Variants in ASXL3 observed in about 807,000 individuals in gnomAD.
ASXL3 encodes the protein ASXL transcriptional regulator 3, also known as putative Polycomb group protein ASXL3.
Under a neutral mutation model 170.6 loss-of-function variants are expected in ASXL3, and 34 were observed. That is an observed-to-expected ratio of 0.20 (90% CI 0.15 to 0.27). The LOEUF is 0.27. Among genes scored for constraint, ASXL3 ranks in the 10% least tolerant of loss-of-function variants. The pLI is 1.00. For synonymous variants in ASXL3, 1,002 were observed against 989.1 expected (o/e 1.01, Z -0.24); for missense variants, 2,592 against 2,695.3 (o/e 0.96, Z 0.85).
chr18:33,713,840 T>A (rs911022626), intron 8 of ASXL3, among the ~76,000 whole-genome samples: 7 of 152,214 alleles, frequency 4.6e-5, no homozygotes, highest in Non-Finnish European at 8.8e-5. Context: ...TTATAAAAGT[T>A]CTAACACAGC....
Position 33,738,825 on chromosome 18 carries a change from C to A in ASXL3, c.1421C>A (p.Pro474His), listed in dbSNP as rs1193742258. 6 of 1,613,576 alleles carry A rather than the reference C, an allele frequency of 3.7e-6. No homozygotes were observed. Among genetic ancestry groups the A allele is most frequent in the Non-Finnish European group, 5.1e-6 (6 of 1,179,848 alleles). Residue 474 changes from proline (P) to histidine (H), a missense_variant, in exon 11 of 12, where the codon CCT becomes CAT. By Grantham distance (77) the Pro-to-His change is moderately conservative. Transcript: ENST00000269197. ...CAGGATGAAAATCATAAGACAATACCTGAATTTTCTGAGGAGGCTGAAAGT... is the reference window on the plus strand; with the variant it reads ...CAGGATGAAAATCATAAGACAATACATGAATTTTCTGAGGAGGCTGAAAGT... ...ECQDENHKTI[P>H]EFSEEAESLT...
intron 1 of ASXL3, among the ~76,000 whole-genome samples, chr18:33,607,112 TG>T (rs1391312868): frequency 1.3e-5 from 2 of 151,924 alleles, no homozygotes; most frequent in African/African-American, 4.8e-5. Context: ...ATGAGTTACT[TG>T]GGTTCCTGTA....
At chr18:33,726,299 G>A (rs2067350008) in intron 8 of ASXL3, among the ~76,000 whole-genome samples, 1 of 152,078 alleles carries the variant, frequency 6.6e-6, no homozygotes, top group Non-Finnish European at 1.5e-5. Context: ...TGCCTCCAGT[G>A]CGGTTATCCC....
intron 4 of ASXL3, among the ~76,000 whole-genome samples, chr18:33,651,844 C>T (rs1038002420): frequency 6.6e-6 from 1 of 151,982 alleles, no homozygotes; most frequent in East Asian, 1.9e-4. Flanking sequence ...GGGAAACATT[C>T]TTTTAAAATG....
chr18:33,715,649 A>G lies in ASXL3; in HGVS notation c.880-16319A>G, dbSNP rs8095961. On this transcript the variant is annotated intron_variant, in intron 8 of 11. Transcript: ENST00000269197. ...TTTTGTTACTAACAATAACGTTTCT[A>G]ATTTTTATCTTTAGTTTTGGGAAGG... Among the ~76,000 whole-genome samples the G allele has an allele frequency of 9.4e-3, 1,429 of 152,296 alleles. 23 individuals are homozygous for G. Among genetic ancestry groups the G allele is most frequent in the African/African-American group, 0.033 (1,352 of 41,562 alleles).
chr18:33,632,231 T>C (rs1404064326), intron 2 of ASXL3, among the ~76,000 whole-genome samples: 1 of 152,110 alleles, frequency 6.6e-6, no homozygotes. Flanking sequence ...CATATTATAA[T>C]AAAATTCTTA....
intron 2 of ASXL3, among the ~76,000 whole-genome samples, chr18:33,631,697 G>C (rs1203374636): frequency 3.3e-5 from 5 of 151,990 alleles, no homozygotes; most frequent in Non-Finnish European, 7.4e-5. Flanking sequence ...TGAATCATTT[G>C]GAATGATTTA....
At chr18:33,691,339 T>C (rs2066683266) in intron 8 of ASXL3, among the ~76,000 whole-genome samples, 1 of 152,174 alleles carries the variant, frequency 6.6e-6, no homozygotes, top group African/African-American at 2.4e-5. Flanking sequence ...TTCACTGTTC[T>C]CTGTGGTGTT....
intron 8 of ASXL3, among the ~76,000 whole-genome samples, chr18:33,714,916 G>T (rs1210357009): frequency 6.6e-6 from 1 of 152,098 alleles, no homozygotes; most frequent in Admixed American, 6.5e-5. Context: ...TTGTGGACTG[G>T]TTTAATTCAG....
intron 4 of ASXL3, among the ~76,000 whole-genome samples, chr18:33,655,741 A>C (rs1456886446): frequency 1.3e-5 from 2 of 152,038 alleles, no homozygotes; most frequent in Non-Finnish European, 2.9e-5. Flanking sequence ...ATATATCCAA[A>C]ATATCTGATA....
intron 10 of ASXL3, 90 bp downstream of exon 10, chr18:33,734,505 A>G (rs945478207): frequency 1.4e-6 from 1 of 718,840 alleles, no homozygotes; most frequent in Non-Finnish European, 2.1e-6. Flanking sequence ...ATGCTGTAAA[A>G]CTTAATAAAC....
chr18:33,591,705 G>C (rs947472026), intron 1 of ASXL3, among the ~76,000 whole-genome samples: 1 of 150,624 alleles, frequency 6.6e-6, no homozygotes, highest in Non-Finnish European at 1.5e-5. Context: ...GCAGTGGCGC[G>C]ATCTCGGCTC....
intron 8 of ASXL3, among the ~76,000 whole-genome samples, chr18:33,711,389 C>T (rs1371949832): frequency 6.6e-6 from 1 of 152,106 alleles, no homozygotes; most frequent in Non-Finnish European, 1.5e-5. Context: ...TGATCTTCTT[C>T]CAAAATTTGG....
chr18:33,666,384 TAA>T (rs1436543959), intron 5 of ASXL3, among the ~76,000 whole-genome samples: 1 of 152,172 alleles, frequency 6.6e-6, no homozygotes, highest in African/African-American at 2.4e-5. Context: ...ACTAGCTAAT[TAA>T]GACTTTGATG....
chr18:33,678,351 A>C lies in ASXL3; in HGVS notation c.716-5054A>C, dbSNP rs115338059. Among the ~76,000 whole-genome samples, 484 of 152,190 alleles carry C rather than the reference A, an allele frequency of 3.2e-3. 3 individuals carry two copies. The highest frequency in any genetic ancestry group is 0.011 in the African/African-American group (462 of 41,528). ...GTCTGCCTTTTGTGTTTGCTTCTCTATGTGAGTGTGTCTGCATCTCTGTGT... is the reference window on the plus strand; with the variant it reads ...GTCTGCCTTTTGTGTTTGCTTCTCTCTGTGAGTGTGTCTGCATCTCTGTGT... On this transcript the variant is annotated intron_variant, in intron 7 of 11. Coordinates refer to ENST00000269197, the MANE Select transcript of ASXL3 (RefSeq NM_030632.3).
At chr18:33,697,631 G>A (rs1394686414) in intron 8 of ASXL3, among the ~76,000 whole-genome samples, 1 of 152,042 alleles carries the variant, frequency 6.6e-6, no homozygotes, top group Non-Finnish European at 1.5e-5. Context: ...CCCTGTATGA[G>A]CACAGGACAC....
chr18:33,713,956 G>A (rs920710717), intron 8 of ASXL3, among the ~76,000 whole-genome samples: 2 of 152,142 alleles, frequency 1.3e-5, no homozygotes, highest in African/African-American at 4.8e-5. Flanking sequence ...CTGGTCTCAA[G>A]TCATCATAGT....
In ASXL3 at chr18:33,743,172, T is replaced by G. The variant is rs77617474; in HGVS notation, c.3324T>G (p.Ala1108=). 13,177 of 1,613,956 alleles carry G rather than the reference T, an allele frequency of 8.2e-3. 74 individuals are homozygous for G. Among genetic ancestry groups the G allele is most frequent in the Non-Finnish European group, 9.5e-3 (11,212 of 1,179,880 alleles). ...TLAHIKEQTK[A]KLFAKHQARA... The stretch of plus-strand genomic sequence containing the variant: ...CACACATCAAAGAGCAGACAAAGGC[T>G]AAGCTCTTTGCAAAGCATCAAGCTC... Residue 1108 remains alanine (A), a synonymous_variant, in exon 12 of 12, where the codon GCT becomes GCG. Coordinates refer to ENST00000269197, the MANE Select transcript of ASXL3 (RefSeq NM_030632.3).
chr18:33,586,328 C>T (rs1007571129), intron 1 of ASXL3, among the ~76,000 whole-genome samples: 5 of 152,106 alleles, frequency 3.3e-5, no homozygotes, highest in Non-Finnish European at 5.9e-5. Context: ...TGACCCTCCA[C>T]CCCCACCACC....
Sources: allele counts gnomAD v4.1 joint callset (sites outside exome capture counted in the v4.1 genomes callset), GRCh38; gene constraint gnomAD v4.1.1; transcripts MANE v1.5; gene names NCBI Gene and HGNC (gene_info 2026-07-23, HGNC 2026-07-21).